The following DOCK10 variants were observed in gnomAD, a reference collection of about 807,000 sequenced individuals.
The protein encoded by DOCK10 is dedicator of cytokinesis 10.
Under a neutral mutation model 280.1 loss-of-function variants are expected in DOCK10, and 145 were observed. That is an observed-to-expected ratio of 0.52 (90% CI 0.45 to 0.59). DOCK10 has a LOEUF of 0.59. Among genes scored for constraint, DOCK10 ranks in the 20% least tolerant of loss-of-function variants. The pLI, the probability that DOCK10 is intolerant of heterozygous loss-of-function variation, is 0.00. For synonymous variants in DOCK10, 915 were observed against 942.2 expected, an observed-to-expected ratio of 0.97 and a Z score of 0.53; for missense variants, 2,368 against 2,651.7, an observed-to-expected ratio of 0.89 and a Z score of 2.35.
At position 225,017,368 on chromosome 2, in the gene DOCK10, G is replaced by A. The variant is rs571866227; in HGVS notation, c.123+24884C>T. On this transcript the variant is annotated intron_variant, in intron 1 of 55. Coordinates refer to ENST00000258390, the MANE Select transcript of DOCK10 (RefSeq NM_014689.3). ...TAAAGAATTACACATTATAAGGAGA[G>A]AAATAGAAATAAAATTGACACACTA... Among the ~76,000 whole-genome samples the A allele has an allele frequency of 8.6e-5, 13 of 151,780 alleles. No individual in the cohort carries two copies. In the East Asian group the frequency reaches 1.9e-3, roughly 23 times the overall value.
Position 224,765,470 on chromosome 2 carries a change from G to A in DOCK10, c.*251C>T. Reference sequence around the variant, plus strand: ...ATAACTGACAGCAAACTTAGGGTTTGCATTTGAGCTACACATTCACTGGAA... The same window carrying A: ...ATAACTGACAGCAAACTTAGGGTTTACATTTGAGCTACACATTCACTGGAA... On this transcript the variant is annotated 3_prime_UTR_variant, in exon 56 of 56. Transcript: ENST00000258390. The A allele has an allele frequency of 2.6e-6, 1 of 391,408 alleles. No individual in the cohort carries two copies. The highest frequency in any genetic ancestry group is 4.6e-6 in the Non-Finnish European group (1 of 216,100). 24.2% of individuals were successfully genotyped at this position (391,408 alleles called of 1,614,324 possible). A position where few individuals can be genotyped will look rare whatever the true frequency, so the allele number is the denominator to read the frequency against.
At chr2:225,012,662 A>C (rs1052867242) in intron 1 of DOCK10, among the ~76,000 whole-genome samples, 22 of 152,224 alleles carry the variant, frequency 1.4e-4, no homozygotes, top group African/African-American at 4.6e-4. Flanking sequence ...GTTGCAAAGC[A>C]TTTATCTCAT....
intron 1 of DOCK10, among the ~76,000 whole-genome samples, chr2:224,958,521 G>A (rs545108504): frequency 3.3e-5 from 5 of 152,168 alleles, no homozygotes; most frequent in Non-Finnish European, 7.3e-5. Flanking sequence ...TGCTCATTGT[G>A]TCTTGCAACA....
Position 224,853,039 on chromosome 2 carries a change from C to T in DOCK10, c.1972G>A (p.Val658Ile). The change falls in exon 17 of 56, where the codon GTT becomes ATT. Residue 658 changes from valine (V) to isoleucine (I), a missense_variant. Around this residue, in one of 2 missense-constraint regions of DOCK10, gnomAD observed 1,209 missense variants for 1,250.9 expected, o/e 0.97. Transcript: ENST00000258390. ...TEPTVEVEEF[V>I]YDSTKYCRPY... ...CGACAATACTTTGTTGAATCGTAAA[C>T]AAATTCTTCCACCTCCACTGTGGGT... is the stretch of plus-strand genomic sequence containing the variant. 7 of 1,611,988 alleles carry T rather than the reference C, an allele frequency of 4.3e-6. No individual in the cohort carries two copies. Among genetic ancestry groups the T allele is most frequent in the Non-Finnish European group, 5.9e-6 (7 of 1,178,558 alleles).
chr2:225,040,904 C>T (rs1575181528), intron 1 of DOCK10, among the ~76,000 whole-genome samples: 1 of 152,148 alleles, frequency 6.6e-6, no homozygotes, highest in African/African-American at 2.4e-5. Context: ...AAAATGTGCA[C>T]GCTGATAGCA....
chr2:224,896,216 A>G (rs1200068241), intron 4 of DOCK10, 79 bp downstream of exon 4: 2 of 850,622 alleles, frequency 2.4e-6, no homozygotes, highest in Non-Finnish European at 3.6e-6. Flanking sequence ...ACGTGTATTC[A>G]TGAACAATGG....
At chr2:224,929,559 T>G (rs1427964353) in intron 2 of DOCK10, among the ~76,000 whole-genome samples, 2 of 152,184 alleles carry the variant, frequency 1.3e-5, no homozygotes, top group African/African-American at 4.8e-5. Context: ...CCGAGGTGAT[T>G]GCACTTCATT....
chr2:224,990,051 A>C (rs1311674562), intron 1 of DOCK10, among the ~76,000 whole-genome samples: 2 of 152,206 alleles, frequency 1.3e-5, no homozygotes, highest in Non-Finnish European at 2.9e-5. Flanking sequence ...TGCTTTAAAA[A>C]TCAGGTGCTG....
At chr2:224,803,994 AGAAATATGTGTG>A (rs1693195658) in intron 39 of DOCK10, 106 bp downstream of exon 39, 6 of 586,106 alleles carry the variant, frequency 1.0e-5, no homozygotes, top group African/African-American at 9.0e-5. Flanking sequence ...ATATATAAAT[AGAAATATGTGTG>A]TGTGTGTGTG....
chr2:224,853,270 T>G, intron 16 of DOCK10, 148 bp from the exon 17 acceptor site: 1 of 542,612 alleles, frequency 1.8e-6, no homozygotes, highest in East Asian at 3.2e-5. Context: ...CATGAAAAAT[T>G]TGTAGGAGGT....
chr2:224,892,321 C>T (rs1180864538), intron 4 of DOCK10, among the ~76,000 whole-genome samples: 1 of 146,338 alleles, frequency 6.8e-6, no homozygotes, highest in Admixed American at 6.9e-5. Context: ...ATCCTTTGAA[C>T]CCGAGAGGTG....
chr2:224,885,066 C>T (rs1489186084), intron 7 of DOCK10, among the ~76,000 whole-genome samples: 1 of 152,226 alleles, frequency 6.6e-6, no homozygotes, highest in Admixed American at 6.5e-5. Flanking sequence ...GTGGCACGAT[C>T]TCGGCTCACT....
intron 1 of DOCK10, among the ~76,000 whole-genome samples, chr2:224,949,477 T>C (rs1309512675): frequency 6.6e-6 from 1 of 152,230 alleles, no homozygotes; most frequent in East Asian, 1.9e-4. Context: ...TTCCTAGTTT[T>C]AAGAAGCTTG....
At chr2:224,917,237 C>G (rs1701388338) in intron 2 of DOCK10, among the ~76,000 whole-genome samples, 1 of 151,192 alleles carries the variant, frequency 6.6e-6, no homozygotes, top group African/African-American at 2.4e-5. Flanking sequence ...TCCCTAGTAG[C>G]TGGGATTACA....
At chr2:225,041,841 C>A (rs921406338) in intron 1 of DOCK10, among the ~76,000 whole-genome samples, 1 of 152,140 alleles carries the variant, frequency 6.6e-6, no homozygotes, top group Non-Finnish European at 1.5e-5. Context: ...GTGAGAGGGA[C>A]GCGCAGACCT....
chr2:224,977,373 C>A (rs1020201816), intron 1 of DOCK10, among the ~76,000 whole-genome samples: 23 of 152,096 alleles, frequency 1.5e-4, no homozygotes, highest in Admixed American at 1.2e-3. Flanking sequence ...TCCTCTTGTG[C>A]CACCTCTAAA....
intron 50 of DOCK10, among the ~76,000 whole-genome samples, chr2:224,781,972 T>C (rs1468755673): frequency 2.0e-5 from 3 of 152,100 alleles, no homozygotes; most frequent in African/African-American, 7.2e-5. Context: ...GAGAAGAATG[T>C]ATTTGAGGAG....
chr2:224,848,050 A>T (rs1372191892), intron 19 of DOCK10, among the ~76,000 whole-genome samples: 5 of 152,284 alleles, frequency 3.3e-5, no homozygotes, highest in South Asian at 4.2e-4. Context: ...GGTCAGAGTG[A>T]TGGGATTGTT....
Position 224,801,944 on chromosome 2 carries a change from G to C in DOCK10, c.4365C>G (p.Leu1455=). 6.2e-7 allele frequency: 1 copy of C among 1,613,036 alleles called. No homozygotes were observed. Among genetic ancestry groups the C allele is most frequent in the Non-Finnish European group, 8.5e-7 (1 of 1,179,266 alleles). Residue 1455 remains leucine, a synonymous_variant, in exon 40 of 56, where the codon CTC becomes CTG. Transcript: ENST00000258390. ...RGKNALSNPK[L]LQMLDNTMTS... is the part of the protein sequence containing the mutation. ...TCATGGTATTGTCTAACATCTGTAA[G>C]AGTTTGGGGTTAGAAAGTGCATTTT...
Sources: gnomAD v4.1 joint callset for allele counts (sites outside exome capture counted in the v4.1 genomes callset) on GRCh38, gnomAD v4.1.1 for gene constraint, gnomAD v4.1.1 regional missense constraint, MANE v1.5 for transcripts, NCBI Gene and HGNC (gene_info 2026-07-23, HGNC 2026-07-21) for gene names.